The following SYT17 variants were observed in gnomAD, a reference collection of about 807,000 sequenced individuals.
SYT17 encodes the protein synaptotagmin 17, also known as synaptotagmin-17.
In SYT17, 22 loss-of-function variants were observed where a neutral mutation model predicts 46.7. That is an observed-to-expected ratio of 0.47 (90% CI 0.34 to 0.67). SYT17 has a LOEUF of 0.67. SYT17 is among the 30% of genes least tolerant of loss of function. The pLI, the probability that SYT17 is intolerant of heterozygous loss-of-function variation, is 0.01. For synonymous variants in SYT17, 251 were observed against 248.4 expected (o/e 1.01, Z -0.10); for missense variants, 519 against 612.8 (o/e 0.85, Z 1.62).
chr16:19,168,969 A>T lies in SYT17; in HGVS notation c.15+308A>T, dbSNP rs1963974948. Among the ~76,000 whole-genome samples, 1 of 149,936 alleles carries T rather than the reference A, an allele frequency of 6.7e-6. No homozygotes were observed. The highest frequency in any genetic ancestry group is 1.5e-5 in the Non-Finnish European group (1 of 67,264). Reference sequence around the variant, plus strand: ...CCCCTGCCCCCTCCCTCTCCTTGGCACCCCACCCCAGGGGAGGGGCCGTGG... The same window carrying T: ...CCCCTGCCCCCTCCCTCTCCTTGGCTCCCCACCCCAGGGGAGGGGCCGTGG... On this transcript the variant is annotated intron_variant, in intron 1 of 7. Coordinates refer to ENST00000355377, the MANE Select transcript of SYT17 (RefSeq NM_016524.4). This position sits in a 1 kb window ranked among gnomAD's most constrained non-coding sequence, Gnocchi z 6.9.
chr16:19,239,278 A>AAATTAATT, intron 7 of SYT17, among the ~76,000 whole-genome samples: 1 of 151,418 alleles, frequency 6.6e-6, no homozygotes, highest in Non-Finnish European at 1.5e-5. Flanking sequence ...CCCTGTCTCA[A>AAATTAATT]AATTAATTAA....
intron 1 of SYT17, chr16:19,172,333 C>G: frequency 3.7e-6 from 5 of 1,350,378 alleles, no homozygotes; most frequent in Non-Finnish European, 4.7e-6. Context: ...CAAGTAACAT[C>G]CACTGTGTGC....
At chr16:19,190,366 C>T (rs1325158395) in intron 5 of SYT17, among the ~76,000 whole-genome samples, 11 of 152,020 alleles carry the variant, frequency 7.2e-5, no homozygotes, top group South Asian at 2.1e-4. Flanking sequence ...AGTGAAACTC[C>T]GTCTCGAAAT....
chr16:19,210,750 T>C (rs1965868374), intron 5 of SYT17, among the ~76,000 whole-genome samples: 1 of 152,148 alleles, frequency 6.6e-6, no homozygotes, highest in Non-Finnish European at 1.5e-5. Flanking sequence ...TAAGAGACAA[T>C]AGACTTTATC....
intron 5 of SYT17, among the ~76,000 whole-genome samples, chr16:19,193,505 T>A (rs1264889481): frequency 6.6e-6 from 1 of 152,228 alleles, no homozygotes; most frequent in Non-Finnish European, 1.5e-5. Context: ...ATGTCTAGAA[T>A]TCAGAGCATT....
chr16:19,247,063 G>T (rs1219293884), intron 7 of SYT17, among the ~76,000 whole-genome samples: 2 of 152,170 alleles, frequency 1.3e-5, no homozygotes, highest in African/African-American at 4.8e-5. Context: ...GGAGATCAGA[G>T]ATATACCATG....
At chr16:19,177,648 C>A (rs1964367646) in intron 3 of SYT17, among the ~76,000 whole-genome samples, 1 of 152,086 alleles carries the variant, frequency 6.6e-6, no homozygotes, top group South Asian at 2.1e-4. Flanking sequence ...GATGAGCTGG[C>A]CCTTTGTGTG....
chr16:19,202,613 A>C (rs1253164558), intron 5 of SYT17, among the ~76,000 whole-genome samples: 2 of 152,236 alleles, frequency 1.3e-5, no homozygotes, highest in African/African-American at 2.4e-5. Context: ...CTGGGAGTGC[A>C]GCTGAAAGTT....
At chr16:19,222,407 A>G in intron 5 of SYT17, among the ~76,000 whole-genome samples, 1 of 152,158 alleles carries the variant, frequency 6.6e-6, no homozygotes, top group Admixed American at 6.5e-5. Context: ...ACAGTGTGAC[A>G]GAGCTGACAT....
intron 1 of SYT17, chr16:19,172,114 A>G (rs1964119789): frequency 6.0e-6 from 1 of 166,918 alleles, no homozygotes; most frequent in African/African-American, 2.4e-5. Flanking sequence ...CCTTAAAGAG[A>G]AGGAGGGAGT....
chr16:19,209,700 C>T (rs1045472540), intron 5 of SYT17, among the ~76,000 whole-genome samples: 32 of 147,194 alleles, frequency 2.2e-4, no homozygotes, highest in Non-Finnish European at 3.8e-4. Context: ...GAAACCCTGT[C>T]TTTACTAAAA....
intron 7 of SYT17, among the ~76,000 whole-genome samples, chr16:19,249,585 G>T (rs1180171769): frequency 6.6e-6 from 1 of 152,160 alleles, no homozygotes; most frequent in African/African-American, 2.4e-5. Context: ...GAAACAAGTG[G>T]TTGTGGGTTT....
chr16:19,260,336 C>CAAAAAAAA (rs34504914), intron 7 of SYT17, among the ~76,000 whole-genome samples: 1 of 22,884 alleles, frequency 4.4e-5, no homozygotes, highest in Non-Finnish European at 7.1e-5. Context: ...CAGAAAATAC[C>CAAAAAAAA]AAAAAAAAAA....
chr16:19,266,831 C>G, intron 7 of SYT17, 49 bp from the exon 8 acceptor site: 1 of 1,559,282 alleles, frequency 6.4e-7, no homozygotes, highest in East Asian at 2.3e-5. Flanking sequence ...TGTTCTGTTC[C>G]CCTCCTTCCT....
chr16:19,211,716 C>A (rs1449229467), intron 5 of SYT17, among the ~76,000 whole-genome samples: 5 of 151,928 alleles, frequency 3.3e-5, no homozygotes, highest in African/African-American at 9.7e-5. Flanking sequence ...CGCTCCACCT[C>A]CCGGGTTCAC....
intron 7 of SYT17, among the ~76,000 whole-genome samples, chr16:19,259,784 A>G (rs1357104260): frequency 6.6e-6 from 1 of 152,150 alleles, no homozygotes; most frequent in Non-Finnish European, 1.5e-5. Context: ...TGTAAACCAA[A>G]AAGTGTCTGA....
chr16:19,223,279 G>A (rs982691855), intron 6 of SYT17, 114 bp downstream of exon 6: 16 of 1,349,310 alleles, frequency 1.2e-5, no homozygotes, highest in Admixed American at 2.4e-5. Flanking sequence ...CTCAGGATGA[G>A]GCAGGTAAAT....
At chr16:19,246,007 T>C (rs144003292) in intron 7 of SYT17, among the ~76,000 whole-genome samples, 4 of 152,060 alleles carry the variant, frequency 2.6e-5, no homozygotes, top group Non-Finnish European at 5.9e-5. Context: ...GTATATTATT[T>C]ATTTATTTTT....
chr16:19,230,243 A>AC (rs1966631639), intron 7 of SYT17, among the ~76,000 whole-genome samples: 1 of 152,018 alleles, frequency 6.6e-6, no homozygotes, highest in Non-Finnish European at 1.5e-5. Flanking sequence ...CCCCATCTCT[A>AC]TAAAAATACA....
Sources: allele counts gnomAD v4.1 joint callset (sites outside exome capture counted in the v4.1 genomes callset), GRCh38; gene constraint gnomAD v4.1.1; non-coding constraint Gnocchi (gnomAD v3.1); transcripts MANE v1.5; gene names NCBI Gene and HGNC (gene_info 2026-07-23, HGNC 2026-07-21).